The following NAGLU variants were observed in gnomAD, a reference collection of about 807,000 sequenced individuals.
The protein encoded by NAGLU is alpha-N-acetylglucosaminidase.
Under a neutral mutation model 43.4 loss-of-function variants are expected in NAGLU, and 34 were observed. The observed-to-expected ratio is 0.78, with a 90% CI of 0.60 to 1.04. The LOEUF (loss-of-function observed/expected upper bound fraction) is 1.04, where lower values mean the gene tolerates loss of function less well. NAGLU is among the 50% of genes least tolerant of loss of function. NAGLU has a pLI of 0.00. For synonymous variants in NAGLU, 425 were observed against 437.6 expected (o/e 0.97, Z 0.36); for missense variants, 910 against 993.7 (o/e 0.92, Z 1.13).
intron 4 of NAGLU, 87 bp downstream of exon 4, chr17:42,538,842 C>A: frequency 6.7e-7 from 1 of 1,497,166 alleles, no homozygotes; most frequent in Non-Finnish European, 9.1e-7. Context: ...AAGCTCTGGG[C>A]CGGGCGCAGT....
At chr17:42,539,009 C>T (rs1189966018) in intron 4 of NAGLU, among the ~76,000 whole-genome samples, 1 of 152,196 alleles carries the variant, frequency 6.6e-6, no homozygotes. Flanking sequence ...GTAATCCCAT[C>T]TACTTAGGAG....
intron 4 of NAGLU, among the ~76,000 whole-genome samples, chr17:42,540,468 G>A (rs1302785446): frequency 2.0e-5 from 3 of 151,318 alleles, no homozygotes; most frequent in African/African-American, 2.4e-5. Flanking sequence ...AGGCCGAGAC[G>A]GGCGGATCAC....
In NAGLU at chr17:42,536,322, G is replaced by C; in HGVS notation, c.50G>C (p.Gly17Ala). The change falls in exon 1 of 6, where the codon GGG (glycine) becomes GCG (alanine). Residue 17 changes from glycine (G) to alanine (A), a missense_variant. Transcript: ENST00000225927. ...GCGGTGGGGGTCCTTCTCCTGGCCG[G>C]GGCCGGGGGCGCGGCAGGCGACGAG... The part of the protein sequence containing the change: ...AAAVGVLLLA[G>A]AGGAAGDEAR... The C allele has an allele frequency of 1.6e-6, 2 of 1,217,602 alleles. No individual in the cohort carries two copies. The highest frequency in any genetic ancestry group is 8.3e-5 in the South Asian group (2 of 24,238). The allele number at this position is 1,217,602 out of a possible 1,614,324, so 75.4% of individuals were successfully genotyped here.
Position 42,543,122 on chromosome 17 carries a change from T to C in NAGLU, c.1116T>C (p.Ala372=). The part of the protein sequence containing the change: ...GPAQIRAVLG[A]VPRGRLLVLD... ...CCCAGATCAGGGCTGTGCTGGGAGC[T>C]GTGCCCCGTGGCCGCCTCCTGGTTC... is the stretch of plus-strand genomic sequence containing the variant. The change falls in exon 6 of 6, where the codon GCT becomes GCC. Residue 372 remains alanine (A), a synonymous_variant. Coordinates refer to ENST00000225927, the MANE Select transcript of NAGLU (RefSeq NM_000263.4). The C allele has an allele frequency of 6.2e-7, 1 of 1,613,550 alleles. No homozygotes were observed. Among genetic ancestry groups the C allele is most frequent in the Non-Finnish European group, 8.5e-7 (1 of 1,180,036 alleles).
Position 42,544,395 on chromosome 17 carries a change from C to G in NAGLU, c.*157C>G. On this transcript the variant is annotated 3_prime_UTR_variant, in exon 6 of 6. Transcript: ENST00000225927. ...GGGGGGATTGGAGGGAAATGACCTG[C>G]CCTCCACCACCACCCAAAGTGTGGG... The G allele has an allele frequency of 9.6e-7, 1 of 1,039,736 alleles. No individual in the cohort carries two copies. The highest frequency in any genetic ancestry group is 1.4e-6 in the Non-Finnish European group (1 of 705,082). The allele number at this position is 1,039,736 out of a possible 1,614,324, so 64.4% of individuals were successfully genotyped here.
At chr17:42,536,705 C>G (rs897687205) in intron 1 of NAGLU, 50 bp downstream of exon 1, 64 of 1,380,360 alleles carry the variant, frequency 4.6e-5, no homozygotes, top group Non-Finnish European at 5.3e-5. Flanking sequence ...TACCCCCTCC[C>G]GGAGCCGCTG....
rs181021573 is a variant in NAGLU at position 42,543,989 on chromosome 17, G to A, written c.1983G>A (p.Lys661=). Residue 661 remains lysine, a synonymous_variant, in exon 6 of 6, where the codon AAG becomes AAA. Transcript: ENST00000225927. The stretch of plus-strand genomic sequence containing the variant: ...GCAACATCCTGGACTATGCCAACAA[G>A]CAGCTGGCGGGGTTGGTGGCCAACT... The part of the protein sequence containing the change: ...PEGNILDYAN[K]QLAGLVANYY... The A allele has an allele frequency of 2.3e-4, 367 of 1,610,750 alleles. 2 individuals are homozygous for A. The Admixed American group carries it at 5.1e-3, about 22-fold the overall frequency.
chr17:42,536,815 A>G, intron 1 of NAGLU, 160 bp downstream of exon 1: 2 of 1,303,582 alleles, frequency 1.5e-6, no homozygotes, highest in Non-Finnish European at 9.8e-7. Flanking sequence ...TCTGCCTTTC[A>G]GAGCCTCGGC....
intron 2 of NAGLU, 87 bp downstream of exon 2, chr17:42,537,632 GTC>G (rs1266838212): frequency 5.8e-6 from 9 of 1,540,194 alleles, no homozygotes; most frequent in Admixed American, 1.8e-5. Flanking sequence ...TGGGCGCAGT[GTC>G]TCTCTCTAGA....
In NAGLU at chr17:42,541,115, G is replaced by A. The variant is rs1246139842; in HGVS notation, c.930G>A (p.Gly310=). 1.2e-6 allele frequency: 2 copies of A among 1,613,938 alleles called. No individual in the cohort carries two copies. The highest frequency in any genetic ancestry group is 2.7e-5 in the African/African-American group (2 of 74,892). ...AGTTTGGCACAGACCACATCTATGG[G>A]GCCGACACTTTCAATGAGATGCAGC... ...IKEFGTDHIY[G]ADTFNEMQPP... The change falls in exon 5 of 6, where the codon GGG becomes GGA. Residue 310 remains glycine, a synonymous_variant. Transcript: ENST00000225927.
In NAGLU at chr17:42,541,071, C is replaced by T; in HGVS notation, c.886C>T (p.Leu296=). ...PIFPIIGSLF[L]RELIKEFGTD... ...ATTCCCCATCATCGGGAGCCTCTTC[C>T]TGCGAGAGCTGATCAAAGAGTTTGG... The change falls in exon 5 of 6, where the codon CTG becomes TTG. Residue 296 remains leucine (L), a synonymous_variant. Transcript: ENST00000225927. The T allele has an allele frequency of 6.2e-7, 1 of 1,614,168 alleles. No homozygotes were observed. The highest frequency in any genetic ancestry group is 8.5e-7 in the Non-Finnish European group (1 of 1,180,028).
chr17:42,544,220 G>A lies in NAGLU; in HGVS notation c.2214G>A (p.Trp738Ter). ...KKIFLKYYPR[W>*]VAGSW ...TCTTCCTCAAATATTACCCCCGCTG[G>A]GTGGCCGGCTCTTGGTGATAGATTC... Residue 738 changes from tryptophan (W) to a stop codon, truncating the protein, a stop_gained, in exon 6 of 6, where the codon TGG (tryptophan) becomes TGA (stop). Coordinates refer to ENST00000225927, the MANE Select transcript of NAGLU (RefSeq NM_000263.4). LOFTEE classifies it high-confidence loss of function. 1 of 1,610,120 alleles carries A rather than the reference G, an allele frequency of 6.2e-7. No homozygotes were observed. The highest frequency in any genetic ancestry group is 1.3e-5 in the African/African-American group (1 of 75,050).
rs2092909746 is a variant in NAGLU, at chr17:42,537,452, C to G, written c.438C>G (p.Asp146Glu). Residue 146 changes from aspartate to glutamate, a missense_variant, in exon 2 of 6, where the codon GAC (aspartate) becomes GAG (glutamate). Transcript: ENST00000225927. Reference protein sequence around the residue: ...CTQSYSFVWWDWARWEREIDW... With the variant: ...CTQSYSFVWWEWARWEREIDW... ...AAAGCTACTCTTTCGTGTGGTGGGACTGGGCCCGCTGGGAGCGAGAGATAG... is the reference window on the plus strand; with the variant it reads ...AAAGCTACTCTTTCGTGTGGTGGGAGTGGGCCCGCTGGGAGCGAGAGATAG... 1.9e-6 allele frequency: 3 copies of G among 1,614,244 alleles called. No individual in the cohort carries two copies. Among genetic ancestry groups the G allele is most frequent in the Non-Finnish European group, 2.5e-6 (3 of 1,180,030 alleles).
chr17:42,542,786 G>A (rs1254839148), intron 5 of NAGLU, among the ~76,000 whole-genome samples: 1 of 152,222 alleles, frequency 6.6e-6, no homozygotes. Context: ...GGGCCACCAC[G>A]CCCATTCAGA....
At chr17:42,540,236 G>A (rs2092918009) in intron 4 of NAGLU, among the ~76,000 whole-genome samples, 12 of 151,560 alleles carry the variant, frequency 7.9e-5, no homozygotes, top group Admixed American at 7.9e-4. Context: ...GGCCTTTCGC[G>A]GTGTGGGGGT....
rs113379621 is a variant in NAGLU, at chr17:42,543,485, G to A, written c.1479G>A (p.Ala493=). 4.9e-5 allele frequency: 78 copies of A among 1,601,306 alleles called. No homozygotes were observed. Among genetic ancestry groups the A allele is most frequent in the Non-Finnish European group, 6.0e-5 (71 of 1,176,144 alleles). ...YGVSHPDAGA[A]WRLLLRSVYN... The stretch of plus-strand genomic sequence containing the variant: ...TCTCCCACCCGGACGCAGGGGCAGC[G>A]TGGAGGCTACTGCTCCGGAGTGTGT... Residue 493 remains alanine, a synonymous_variant, in exon 6 of 6, where the codon GCG becomes GCA. Coordinates refer to ENST00000225927, the MANE Select transcript of NAGLU (RefSeq NM_000263.4).
chr17:42,538,615 C>T, intron 3 of NAGLU, 55 bp from the exon 4 acceptor site: 1 of 1,611,810 alleles, frequency 6.2e-7, no homozygotes, highest in Middle Eastern at 1.7e-4. Flanking sequence ...GAGATGAGGG[C>T]CTTCTCATAG....
At position 42,543,911 on chromosome 17, in the gene NAGLU, C is replaced by T. The variant is rs138324133; in HGVS notation, c.1905C>T (p.Ala635=). ...CAGCGGCAGTCAGTGAGGCCGAGGC[C>T]GATTTCTACGAGCAGAACAGCCGCT... ...ARAAAVSEAE[A]DFYEQNSRYQ... The change falls in exon 6 of 6, where the codon GCC becomes GCT. Residue 635 remains alanine, a synonymous_variant. Coordinates refer to ENST00000225927, the MANE Select transcript of NAGLU (RefSeq NM_000263.4). The T allele has an allele frequency of 3.0e-5, 48 of 1,605,848 alleles. No homozygotes were observed. Among genetic ancestry groups the T allele is most frequent in the Admixed American group, 1.5e-4 (9 of 58,820 alleles).
chr17:42,540,356 A>T (rs955218313), intron 4 of NAGLU, among the ~76,000 whole-genome samples: 14 of 151,554 alleles, frequency 9.2e-5, no homozygotes, highest in Non-Finnish European at 1.6e-4. Context: ...TACCTATGCA[A>T]CAAACCTGCA....
Sources: gnomAD v4.1 joint callset for allele counts (sites outside exome capture counted in the v4.1 genomes callset) on GRCh38, gnomAD v4.1.1 for gene constraint, MANE v1.5 for transcripts, NCBI Gene and HGNC (gene_info 2026-07-23, HGNC 2026-07-21) for gene names.